CHD9: variants seen among roughly 807,000 people sequenced by gnomAD.
The protein encoded by CHD9 is ATP-dependent chromatin remodeler CHD9.
In CHD9, 77 loss-of-function variants were observed where a neutral mutation model predicts 316.1. That is an observed-to-expected ratio of 0.24 (90% CI 0.20 to 0.29). The LOEUF is 0.29. Among genes scored for constraint, CHD9 ranks in the 10% least tolerant of loss-of-function variants. The probability of loss-of-function intolerance (pLI) is 1.00; values close to 1 mark genes in which losing one functional copy is unlikely to be tolerated. For missense variants in CHD9, 2,763 were observed against 3,438.1 expected (o/e 0.80, Z 4.91); for synonymous variants, 1,129 against 1,158.3 (o/e 0.97, Z 0.51).
chr16:53,180,774 G>A lies in CHD9; in HGVS notation c.1452+23233G>A, dbSNP rs190026137. On this transcript the variant is annotated intron_variant, in intron 2 of 38. Transcript: ENST00000447540. ...TGCAAGCTCTGCCTCCCAGGTTCAC[G>A]CCATTCTTCTGCCTCAGCCTCCCCA... Among the ~76,000 whole-genome samples the A allele has an allele frequency of 6.9e-4, 105 of 152,032 alleles. 1 individual carries two copies. In the East Asian group the frequency reaches 9.1e-3, roughly 13 times the overall value.
In CHD9 at chr16:53,234,987, G is replaced by A. The variant is rs576015429; in HGVS notation, c.2512-198G>A. 7 of 404,900 alleles carry A rather than the reference G, an allele frequency of 1.7e-5. No individual in the cohort carries two copies. In the South Asian group the frequency reaches 4.8e-4, roughly 28 times the overall value. 25.1% of individuals were successfully genotyped at this position (404,900 alleles called of 1,614,324 possible). A position where few individuals can be genotyped will look rare whatever the true frequency, so the allele number is the denominator to read the frequency against. Reference sequence around the variant, plus strand: ...TTGGTATCAGGGCTTCATAGAATGAGTCAGGAAATATACCTTCCTCTTCAG... The same window carrying A: ...TTGGTATCAGGGCTTCATAGAATGAATCAGGAAATATACCTTCCTCTTCAG... On this transcript the variant is annotated intron_variant, in intron 10 of 38. Transcript: ENST00000447540.
At chr16:53,081,076 T>G (rs1220611062) in intron 1 of CHD9, among the ~76,000 whole-genome samples, 1 of 152,230 alleles carries the variant, frequency 6.6e-6, no homozygotes, top group Admixed American at 6.5e-5. Flanking sequence ...TTCCCCCTTT[T>G]GCTTTGAAAG....
chr16:53,307,757 G>T lies in CHD9; in HGVS notation c.6857G>T (p.Ser2286Ile), dbSNP rs1484588804. The T allele has an allele frequency of 6.2e-7, 1 of 1,612,804 alleles. No homozygotes were observed. The highest frequency in any genetic ancestry group is 1.7e-5 in the Admixed American group (1 of 59,812). Reference sequence around the variant, plus strand: ...GGAAAGTGGCCTTCAGCTAGAAGAAGTTATGATGCTAACACAGTGGCTTCT... The same window carrying T: ...GGAAAGTGGCCTTCAGCTAGAAGAATTTATGATGCTAACACAGTGGCTTCT... ...LKGKWPSARR[S>I]YDANTVASFY... Residue 2286 changes from serine (S) to isoleucine (I), a missense_variant, in exon 33 of 39, where the codon AGT becomes ATT. Coordinates refer to ENST00000447540, the MANE Select transcript of CHD9 (RefSeq NM_001308319.2).
At chr16:53,321,459 C>A in intron 37 of CHD9, 67 bp from the exon 38 acceptor site, 1 of 1,450,414 alleles carries the variant, frequency 6.9e-7, no homozygotes, top group Non-Finnish European at 9.2e-7. Context: ...GTAGAGCATA[C>A]AATAAAAGCA....
At chr16:53,125,697 A>G (rs545713213) in intron 1 of CHD9, among the ~76,000 whole-genome samples, 27 of 152,346 alleles carry the variant, frequency 1.8e-4, no homozygotes, top group African/African-American at 6.3e-4. Flanking sequence ...TCACAAAGAC[A>G]AACAACCCAT....
At chr16:53,164,513 A>G (rs2042137372) in intron 2 of CHD9, among the ~76,000 whole-genome samples, 1 of 152,088 alleles carries the variant, frequency 6.6e-6, no homozygotes, top group Non-Finnish European at 1.5e-5. Context: ...CAGGAGGTTG[A>G]GGCTGCCGTG....
At chr16:53,122,856 G>A (rs1338205733) in intron 1 of CHD9, among the ~76,000 whole-genome samples, 3 of 150,874 alleles carry the variant, frequency 2.0e-5, no homozygotes, top group Non-Finnish European at 4.4e-5. Context: ...ATAGGCGCCC[G>A]CTACCACGCC....
chr16:53,227,368 G>A, intron 5 of CHD9, 28 bp from the exon 6 acceptor site: 2 of 1,457,090 alleles, frequency 1.4e-6, no homozygotes, highest in East Asian at 2.4e-5. Context: ...AATGTGTTCT[G>A]TCATTATTTC....
chr16:53,230,191 C>A (rs2048044696), intron 8 of CHD9, among the ~76,000 whole-genome samples: 1 of 152,194 alleles, frequency 6.6e-6, no homozygotes, highest in South Asian at 2.1e-4. Flanking sequence ...CTCTATTCTT[C>A]CAGTGAATGA....
At chr16:53,260,815 C>T (rs181102692) in intron 19 of CHD9, among the ~76,000 whole-genome samples, 1 of 152,212 alleles carries the variant, frequency 6.6e-6, no homozygotes, top group East Asian at 1.9e-4. Context: ...TCCTTTTTCT[C>T]TTCTAGAGTC....
chr16:53,235,218 G>C lies in CHD9; in HGVS notation c.2545G>C (p.Asp849His), dbSNP rs1183110214. Reference protein sequence around the residue: ...RPPSNIWKKIDQSRDYKNGNQ... With the variant: ...RPPSNIWKKIHQSRDYKNGNQ... ...TCCTTCTAATATTTGGAAGAAAATAGATCAATCCAGGGACTATAAAAATGG... is the reference window on the plus strand; with the variant it reads ...TCCTTCTAATATTTGGAAGAAAATACATCAATCCAGGGACTATAAAAATGG... The change falls in exon 11 of 39, where the codon GAT (aspartate) becomes CAT (histidine). Residue 849 changes from aspartate (D) to histidine (H), a missense_variant. Transcript: ENST00000447540. The C allele has an allele frequency of 6.4e-7, 1 of 1,553,072 alleles. No individual in the cohort carries two copies. The highest frequency in any genetic ancestry group is 8.7e-7 in the Non-Finnish European group (1 of 1,146,090).
intron 1 of CHD9, among the ~76,000 whole-genome samples, chr16:53,055,501 C>A (rs548697892): frequency 6.6e-6 from 1 of 151,516 alleles, no homozygotes; most frequent in South Asian, 2.1e-4. Flanking sequence ...CCCGCCCCCC[C>A]CCAGAGACTC....
intron 32 of CHD9, 111 bp downstream of exon 32, chr16:53,306,508 A>T (rs1276973231): frequency 1.1e-6 from 1 of 890,340 alleles, no homozygotes; most frequent in Non-Finnish European, 1.6e-6. Flanking sequence ...AAAATGTAGG[A>T]TGACATTTTG....
At chr16:53,270,687 G>A (rs781362433) in intron 22 of CHD9, among the ~76,000 whole-genome samples, 9 of 152,026 alleles carry the variant, frequency 5.9e-5, no homozygotes, top group East Asian at 3.9e-4. Flanking sequence ...GAGAGGAAAC[G>A]GCAACAAGAT....
At position 53,209,543 on chromosome 16, in the gene CHD9, T is replaced by G. The variant is rs1236154152; in HGVS notation, c.1514T>G (p.Val505Gly). 6.2e-7 allele frequency: 1 copy of G among 1,613,516 alleles called. No homozygotes were observed. The highest frequency in any genetic ancestry group is 2.2e-5 in the East Asian group (1 of 44,860). The change falls in exon 3 of 39, where the codon GTG becomes GGG. Residue 505 changes from valine to glycine, a missense_variant. By Grantham distance (109) the Val-to-Gly change is moderately radical (BLOSUM62 -3). Around this residue, in one of 15 missense-constraint regions of CHD9, gnomAD observed 859 missense variants for 890.4 expected, o/e 0.96. Transcript: ENST00000447540. ...TATACTAAGTTGCAGAATACCCAGG[T>G]GAGGGTCATGTCTGAGAAGAAGCAG... ...GTYTKLQNTQ[V>G]RVMSEKKQRK...
chr16:53,282,426 C>T (rs1185797890), intron 24 of CHD9, among the ~76,000 whole-genome samples: 1 of 152,026 alleles, frequency 6.6e-6, no homozygotes, highest in Non-Finnish European at 1.5e-5. Context: ...GGCAACATGG[C>T]GAAACCCTGT....
chr16:53,207,393 C>A (rs895057345), intron 2 of CHD9, among the ~76,000 whole-genome samples: 1 of 151,778 alleles, frequency 6.6e-6, no homozygotes, highest in Non-Finnish European at 1.5e-5. Context: ...TTTTATGTTA[C>A]GAAAAAAATG....
intron 2 of CHD9, among the ~76,000 whole-genome samples, chr16:53,186,284 C>G (rs1029466154): frequency 2.0e-5 from 3 of 152,160 alleles, no homozygotes; most frequent in Admixed American, 1.3e-4. Flanking sequence ...CAAAGGAGAT[C>G]ATTTTGGAAC....
chr16:53,161,451 A>G (rs889457473), intron 2 of CHD9, among the ~76,000 whole-genome samples: 1 of 152,178 alleles, frequency 6.6e-6, no homozygotes, highest in Non-Finnish European at 1.5e-5. Flanking sequence ...CACAGGTTCT[A>G]TGGAAAGAAA....
Sources: allele counts gnomAD v4.1 joint callset (sites outside exome capture counted in the v4.1 genomes callset), GRCh38; gene constraint gnomAD v4.1.1; regional missense constraint gnomAD v4.1.1; transcripts MANE v1.5; gene names NCBI Gene and HGNC (gene_info 2026-07-23, HGNC 2026-07-21).